Variants in PRDM2 observed in about 807,000 individuals in gnomAD.
PRDM2 encodes PR domain zinc finger protein 2.
In PRDM2, 30 loss-of-function variants were observed where a neutral mutation model predicts 130.0. The ratio of observed to expected loss-of-function variants is 0.23; its 90% CI spans 0.17 to 0.31. PRDM2 has a LOEUF of 0.31. Among genes scored for constraint, PRDM2 ranks in the 10% least tolerant of loss-of-function variants. The probability of loss-of-function intolerance (pLI) is 1.00; values close to 1 mark genes in which losing one functional copy is unlikely to be tolerated. For missense variants in PRDM2, 2,011 were observed against 2,108.4 expected (o/e 0.95, Z 0.90); for synonymous variants, 871 against 782.4 (o/e 1.11, Z -1.89).
At chr1:13,766,886 G>T (rs1644239216) in intron 6 of PRDM2, among the ~76,000 whole-genome samples, 1 of 152,216 alleles carries the variant, frequency 6.6e-6, no homozygotes, top group Non-Finnish European at 1.5e-5. Context: ...AAGGCTCCCA[G>T]AATTTTGCAT....
chr1:13,824,263 A>G lies in PRDM2; in HGVS notation c.*1128A>G, dbSNP rs1453222558. ...CTTGGGCGCTGTTTTCTCAGCTCCA[A>G]TTTCAAGAGTGAGCTATCAAACCCA... On this transcript the variant is annotated 3_prime_UTR_variant, in exon 10 of 10. Coordinates refer to ENST00000311066, the MANE Select transcript of PRDM2 (RefSeq NM_001393986.1). The G allele has an allele frequency of 2.0e-5, 3 of 152,552 alleles. No individual in the cohort carries two copies. Among genetic ancestry groups the G allele is most frequent in the African/African-American group, 4.8e-5 (2 of 41,418 alleles). The allele number at this position is 152,552 out of a possible 1,614,324, so 9.4% of individuals were successfully genotyped here. A position where few individuals can be genotyped will look rare whatever the true frequency, so the allele number is the denominator to read the frequency against.
intron 6 of PRDM2, among the ~76,000 whole-genome samples, chr1:13,761,899 G>A (rs1189469676): frequency 2.6e-5 from 4 of 152,152 alleles, no homozygotes. Flanking sequence ...CATTGGACTT[G>A]TACATTTTTA....
intron 6 of PRDM2, among the ~76,000 whole-genome samples, chr1:13,750,669 A>G (rs887594928): frequency 6.6e-5 from 10 of 152,168 alleles, no homozygotes; most frequent in African/African-American, 2.2e-4. Context: ...TAGTAGGCCT[A>G]TTACTGAATA....
chr1:13,717,615 C>A (rs4661441), intron 2 of PRDM2, among the ~76,000 whole-genome samples: 148,693 of 152,230 alleles, frequency 0.98, 72,634 homozygotes, highest in East Asian at 1. Context: ...TTTATATTTC[C>A]ATTATATCAA....
In PRDM2 at chr1:13,778,744, G is replaced by C. The variant is rs1198539998; in HGVS notation, c.949G>C (p.Glu317Gln). Residue 317 changes from glutamate to glutamine, a missense_variant, in exon 8 of 10, where the codon GAA becomes CAA. By Grantham distance (29) the Glu-to-Gln change is conservative. This residue lies in a region of PRDM2 where 1,288 missense variants were observed against 1,237.7 expected (regional missense o/e 1.04). Transcript: ENST00000311066. Reference sequence around the variant, plus strand: ...AGAAATACGGTGTGATGAGAAGCCAGAAGATTTATTAGAGGAACCAAAAAC... The same window carrying C: ...AGAAATACGGTGTGATGAGAAGCCACAAGATTTATTAGAGGAACCAAAAAC... Reference protein sequence around the residue: ...EPEIRCDEKPEDLLEEPKTTS... With the variant: ...EPEIRCDEKPQDLLEEPKTTS... 6.2e-7 allele frequency: 1 copy of C among 1,614,212 alleles called. No homozygotes were observed. The highest frequency in any genetic ancestry group is 1.7e-5 in the Admixed American group (1 of 60,024).
At chr1:13,802,527 C>G (rs375833829) in intron 8 of PRDM2, among the ~76,000 whole-genome samples, 5 of 152,218 alleles carry the variant, frequency 3.3e-5, no homozygotes, top group East Asian at 3.8e-4. Flanking sequence ...TTCTGAGACT[C>G]TCAGTCCCAG....
chr1:13,816,636 C>T (rs1460778740), intron 9 of PRDM2, 66 bp downstream of exon 9: 2 of 1,546,834 alleles, frequency 1.3e-6, no homozygotes, highest in Non-Finnish European at 1.8e-6. Context: ...GGGCTTGGGT[C>T]TTGGGTGGGG....
chr1:13,789,691 C>T lies in PRDM2; in HGVS notation c.5036+6860C>T, dbSNP rs547153846. Among the ~76,000 whole-genome samples, 15 of 152,210 alleles carry T rather than the reference C, an allele frequency of 9.9e-5. No homozygotes were observed. The East Asian group carries it at 1.5e-3, about 16-fold the overall frequency. ...TGGGTTTTGATTTGATATTGAACCT[C>T]GCTTTGAATATATTGACTTGAATCC... is the stretch of plus-strand genomic sequence containing the variant. On this transcript the variant is annotated intron_variant, in intron 8 of 9. Coordinates refer to ENST00000311066, the MANE Select transcript of PRDM2 (RefSeq NM_001393986.1).
At position 13,771,961 on chromosome 1, in the gene PRDM2, A is replaced by T. The variant is rs1644369593; in HGVS notation, c.512-1117A>T. On this transcript the variant is annotated intron_variant, in intron 6 of 9. Coordinates refer to ENST00000311066, the MANE Select transcript of PRDM2 (RefSeq NM_001393986.1). The surrounding 1 kb of genome is among the most constrained non-coding windows in gnomAD (Gnocchi z 4.1). Reference sequence around the variant, plus strand: ...CTCATTTTTGTCTGTTTACATTTTTAGCTAATTATGCTTCCCGGTAGTGAT... The same window carrying T: ...CTCATTTTTGTCTGTTTACATTTTTTGCTAATTATGCTTCCCGGTAGTGAT... 1 of 152,142 alleles carries T rather than the reference A, an allele frequency of 6.6e-6. No homozygotes were observed. The allele number at this position is 152,142 out of a possible 1,614,324, so 9.4% of individuals were successfully genotyped here. A position where few individuals can be genotyped will look rare whatever the true frequency, so the allele number is the denominator to read the frequency against.
rs975279570 is a variant in PRDM2 at position 13,703,444 on chromosome 1, C to T, written c.-66+3144C>T. 2.6e-5 allele frequency among the ~76,000 whole-genome samples: 4 copies of T among 152,210 alleles called. No homozygotes were observed. In the East Asian group the frequency reaches 7.7e-4, roughly 29 times the overall value. ...ATTATTGAAACAGATTATTGAATCTCTTTAAGAACTGTAAGGATAGACTAG... is the reference window on the plus strand; with the variant it reads ...ATTATTGAAACAGATTATTGAATCTTTTTAAGAACTGTAAGGATAGACTAG... On this transcript the variant is annotated intron_variant, in intron 1 of 9. Coordinates refer to ENST00000311066, the MANE Select transcript of PRDM2 (RefSeq NM_001393986.1).
intron 1 of PRDM2, among the ~76,000 whole-genome samples, chr1:13,709,829 A>C (rs1336966879): frequency 6.6e-6 from 1 of 152,208 alleles, no homozygotes; most frequent in African/African-American, 2.4e-5. Context: ...TGATGTCACA[A>C]TGTAGAATTT....
intron 1 of PRDM2, among the ~76,000 whole-genome samples, chr1:13,702,760 C>G (rs1042207263): frequency 1.3e-5 from 2 of 152,110 alleles, no homozygotes; most frequent in Non-Finnish European, 2.9e-5. Context: ...AGGTTATTTA[C>G]TATTTTCATG....
In PRDM2 at chr1:13,780,749, C is replaced by T. The variant is rs374204071; in HGVS notation, c.2954C>T (p.Pro985Leu). The change falls in exon 8 of 10, where the codon CCG becomes CTG. Residue 985 changes from proline to leucine, a missense_variant. Physicochemically the swap from Pro to Leu is moderately conservative, Grantham distance 98. Coordinates refer to ENST00000311066, the MANE Select transcript of PRDM2 (RefSeq NM_001393986.1). ...PCPPVLTVATPPPPLLPTVPL... is the reference protein window; with the variant it reads ...PCPPVLTVATLPPPLLPTVPL... ...CCCCCGGTATTAACTGTTGCCACTC[C>T]GCCCCCTCCCCTCCTTCCTACCGTA... is the stretch of plus-strand genomic sequence containing the variant. The T allele has an allele frequency of 6.4e-6, 10 of 1,573,084 alleles. No homozygotes were observed. The highest frequency in any genetic ancestry group is 5.3e-5 in the Admixed American group (3 of 56,674).
At chr1:13,788,016 A>G in intron 8 of PRDM2, 1 of 983,052 alleles carries the variant, frequency 1.0e-6, no homozygotes, top group South Asian at 4.7e-5. Context: ...AACACTTAAT[A>G]ACTAGAGGAG....
At chr1:13,813,858 A>T (rs1174651608) in intron 8 of PRDM2, among the ~76,000 whole-genome samples, 1 of 152,192 alleles carries the variant, frequency 6.6e-6, no homozygotes, top group East Asian at 1.9e-4. Flanking sequence ...GGCGGAAGAG[A>T]TGCTAAAGGG....
intron 5 of PRDM2, among the ~76,000 whole-genome samples, chr1:13,747,640 AGACAGT>A (rs1236176651): frequency 6.6e-6 from 1 of 152,116 alleles, no homozygotes; most frequent in Non-Finnish European, 1.5e-5. Context: ...TGGACTGTGT[AGACAGT>A]GAGAGTTCTG....
At chr1:13,710,154 C>T (rs2487658) in intron 1 of PRDM2, among the ~76,000 whole-genome samples, 12,175 of 152,212 alleles carry the variant, frequency 0.08, 753 homozygotes, top group African/African-American at 0.17. Context: ...GTGTTACATG[C>T]ATTACATTAA....
intron 1 of PRDM2, among the ~76,000 whole-genome samples, chr1:13,709,969 A>G (rs774562252): frequency 3.9e-5 from 6 of 152,230 alleles, no homozygotes; most frequent in Non-Finnish European, 7.3e-5. Context: ...ATTGTAAAAA[A>G]TAATATCAGT....
chr1:13,741,779 G>A (rs1464667763), intron 4 of PRDM2, among the ~76,000 whole-genome samples: 7 of 144,716 alleles, frequency 4.8e-5, no homozygotes, highest in East Asian at 2.0e-4. Context: ...GGTGGGGGGC[G>A]CGGGGCAAAC....
Sources: allele counts gnomAD v4.1 joint callset (sites outside exome capture counted in the v4.1 genomes callset), GRCh38; gene constraint gnomAD v4.1.1; regional missense constraint gnomAD v4.1.1; non-coding constraint Gnocchi (gnomAD v3.1); transcripts MANE v1.5; gene names NCBI Gene and HGNC (gene_info 2026-07-23, HGNC 2026-07-21).